The following MAPK4 variants were observed in gnomAD, a reference collection of about 807,000 sequenced individuals.
MAPK4 encodes Erk3-related.
A neutral mutation model predicts 47.7 loss-of-function variants in MAPK4; 22 were observed. That is an observed-to-expected ratio of 0.46 (90% confidence interval 0.33 to 0.66). The LOEUF (loss-of-function observed/expected upper bound fraction) is 0.66, where lower values mean the gene tolerates loss of function less well. MAPK4 is among the 30% of genes least tolerant of loss of function. The pLI is 0.02. For synonymous variants in MAPK4, 390 were observed against 365.7 expected (o/e 1.07, Z -0.76); for missense variants, 736 against 831.7 (o/e 0.88, Z 1.42).
Position 50,664,211 on chromosome 18 carries a change from G to T in MAPK4, c.253G>T (p.Gly85Cys), listed in dbSNP as rs1474431030. The change falls in exon 2 of 6, where the codon GGT becomes TGT. Residue 85 changes from glycine (G) to cysteine (C), a missense_variant. Gly to Cys is a radical substitution (Grantham distance 159). Coordinates refer to ENST00000400384, the MANE Select transcript of MAPK4 (RefSeq NM_002747.4). The surrounding 1 kb of genome is among the most constrained non-coding windows in gnomAD (Gnocchi z 6.0). ...CATCGTCAAAGTGTACGAGGTGCTCGGTCCCAAGGGCACTGACCTGCAGGG... is the reference window on the plus strand; with the variant it reads ...CATCGTCAAAGTGTACGAGGTGCTCTGTCCCAAGGGCACTGACCTGCAGGG... ...DNIVKVYEVL[G>C]PKGTDLQGEL... 2 of 1,613,914 alleles carry T rather than the reference G, an allele frequency of 1.2e-6. No homozygotes were observed. Among genetic ancestry groups the T allele is most frequent in the African/African-American group, 1.3e-5 (1 of 74,914 alleles).
At chr18:50,679,148 C>T (rs117380113) in intron 2 of MAPK4, among the ~76,000 whole-genome samples, 1,799 of 152,288 alleles carry the variant, frequency 0.012, 11 homozygotes, top group Middle Eastern at 0.024. Flanking sequence ...GAATGGCCTG[C>T]GTGGCCTGGT....
In MAPK4 at chr18:50,722,772, A is replaced by G. The variant is rs117358292; in HGVS notation, c.853+673A>G. On this transcript the variant is annotated intron_variant, in intron 4 of 5. Transcript: ENST00000400384. The stretch of plus-strand genomic sequence containing the variant: ...ACCAAAGGTGATGAATCTGATGACA[A>G]AAACTCAGGTGCGGCACAGGTGAAA... Among the ~76,000 whole-genome samples, 434 of 152,286 alleles carry G rather than the reference A, an allele frequency of 2.8e-3. 22 individuals are homozygous for G. The East Asian group carries it at 0.067, about 24-fold the overall frequency.
At chr18:50,601,939 C>T (rs1434735710) in intron 1 of MAPK4, among the ~76,000 whole-genome samples, 1 of 152,158 alleles carries the variant, frequency 6.6e-6, no homozygotes, top group African/African-American at 2.4e-5. Context: ...CTTGTGTTCC[C>T]TCCATCCTAT....
intron 1 of MAPK4, among the ~76,000 whole-genome samples, chr18:50,609,768 T>C (rs1686183864): frequency 6.6e-6 from 1 of 152,158 alleles, no homozygotes; most frequent in African/African-American, 2.4e-5. Flanking sequence ...GATTTGAATC[T>C]AGACAGTTTG....
intron 1 of MAPK4, among the ~76,000 whole-genome samples, chr18:50,632,678 G>A (rs1236184509): frequency 7.1e-6 from 1 of 141,016 alleles, no homozygotes; most frequent in East Asian, 2.1e-4. Flanking sequence ...GGAGTGCAGT[G>A]ATGCAATCTC....
rs2042206081 is a variant in MAPK4 at position 50,567,183 on chromosome 18, T to C, written c.-871+6940T>C. 2.6e-5 allele frequency among the ~76,000 whole-genome samples: 4 copies of C among 152,138 alleles called. No individual in the cohort carries two copies. In the South Asian group the frequency reaches 8.3e-4, roughly 32 times the overall value. On this transcript the variant is annotated intron_variant, in intron 1 of 5. Coordinates refer to ENST00000400384, the MANE Select transcript of MAPK4 (RefSeq NM_002747.4). The stretch of plus-strand genomic sequence containing the variant: ...GTATACACGTGCCATGGTGGTTTGC[T>C]GCACCCATCAACCTGTCATCTACAT...
intron 2 of MAPK4, among the ~76,000 whole-genome samples, chr18:50,711,344 C>G (rs893434148): frequency 6.6e-6 from 1 of 152,194 alleles, no homozygotes; most frequent in African/African-American, 2.4e-5. Flanking sequence ...TTAAAAGGGT[C>G]TAGAAAGGAA....
At chr18:50,665,955 G>A (rs1244526061) in intron 2 of MAPK4, among the ~76,000 whole-genome samples, 1 of 152,180 alleles carries the variant, frequency 6.6e-6, no homozygotes, top group African/African-American at 2.4e-5. Flanking sequence ...CTTCTAAGGA[G>A]CAATGACTCC....
At chr18:50,715,037 CA>C in intron 2 of MAPK4, 41 bp from the exon 3 acceptor site, 1 of 1,602,456 alleles carries the variant, frequency 6.2e-7, no homozygotes, top group Admixed American at 1.7e-5. Context: ...GAAGGGTATC[CA>C]AAAATGACTG....
At chr18:50,570,619 ATC>A (rs1191168564) in intron 1 of MAPK4, among the ~76,000 whole-genome samples, 1 of 152,202 alleles carries the variant, frequency 6.6e-6, no homozygotes, top group Non-Finnish European at 1.5e-5. Context: ...GAACCATCAG[ATC>A]CAGGCTCAGG....
At chr18:50,701,735 G>C (rs1183621944) in intron 2 of MAPK4, among the ~76,000 whole-genome samples, 1 of 152,114 alleles carries the variant, frequency 6.6e-6, no homozygotes. Flanking sequence ...TAGAAGTTGA[G>C]TCACCACATA....
At chr18:50,686,657 A>T (rs1032737760) in intron 2 of MAPK4, among the ~76,000 whole-genome samples, 1 of 152,212 alleles carries the variant, frequency 6.6e-6, no homozygotes, top group Non-Finnish European at 1.5e-5. Context: ...TCTCCATCCA[A>T]TGTGAGCCCA....
chr18:50,600,801 T>C (rs1386322219), intron 1 of MAPK4, among the ~76,000 whole-genome samples: 2 of 151,512 alleles, frequency 1.3e-5, no homozygotes, highest in Non-Finnish European at 2.9e-5. Context: ...GGATGCTTTT[T>C]AAAAAGTGAA....
At chr18:50,724,261 G>C (rs746096394) in intron 4 of MAPK4, among the ~76,000 whole-genome samples, 3 of 152,104 alleles carry the variant, frequency 2.0e-5, no homozygotes, top group Admixed American at 2.0e-4. Flanking sequence ...CAAGCCCAGG[G>C]TGATCTCAAA....
intron 1 of MAPK4, among the ~76,000 whole-genome samples, chr18:50,647,689 C>T (rs370798903): frequency 2.7e-4 from 41 of 152,292 alleles, no homozygotes; most frequent in African/African-American, 9.6e-4. Context: ...ACACCTCGTT[C>T]AGCTCCTTCC....
chr18:50,667,061 T>C (rs1414761250), intron 2 of MAPK4, among the ~76,000 whole-genome samples: 1 of 152,226 alleles, frequency 6.6e-6, no homozygotes, highest in Non-Finnish European at 1.5e-5. Context: ...GAGCGCTGTC[T>C]CCTTCATGAA....
At chr18:50,671,216 C>T (rs1907930879) in intron 2 of MAPK4, among the ~76,000 whole-genome samples, 1 of 152,164 alleles carries the variant, frequency 6.6e-6, no homozygotes, top group African/African-American at 2.4e-5. Context: ...ACTCACATCA[C>T]CTTGGAAACT....
At chr18:50,639,812 T>C (rs1180413555) in intron 1 of MAPK4, among the ~76,000 whole-genome samples, 1 of 152,212 alleles carries the variant, frequency 6.6e-6, no homozygotes, top group East Asian at 1.9e-4. Flanking sequence ...GTTCCCTTGA[T>C]TAGCTCACCT....
At position 50,646,112 on chromosome 18, in the gene MAPK4, C is replaced by T. The variant is rs7235717; in HGVS notation, c.-870-16977C>T. 8.2e-3 allele frequency among the ~76,000 whole-genome samples: 1,250 copies of T among 152,324 alleles called. 9 individuals carry two copies. The highest frequency in any genetic ancestry group is 0.029 in the African/African-American group (1,189 of 41,572). ...GCTAACAGGCGAGGAAACTGAGGCTCAACATCACAGCATCTGTAAGTGGCA... is the reference window on the plus strand; with the variant it reads ...GCTAACAGGCGAGGAAACTGAGGCTTAACATCACAGCATCTGTAAGTGGCA... On this transcript the variant is annotated intron_variant, in intron 1 of 5. Coordinates refer to ENST00000400384, the MANE Select transcript of MAPK4 (RefSeq NM_002747.4).
Sources: gnomAD v4.1 joint callset for allele counts (sites outside exome capture counted in the v4.1 genomes callset) on GRCh38, gnomAD v4.1.1 for gene constraint, Gnocchi (gnomAD v3.1) non-coding constraint, MANE v1.5 for transcripts, NCBI Gene and HGNC (gene_info 2026-07-23, HGNC 2026-07-21) for gene names.